The following ABCB5 variants were observed in gnomAD, a reference collection of about 807,000 sequenced individuals.
ABCB5 encodes the protein ATP-binding cassette sub-family B member 5.
In ABCB5, 155 loss-of-function variants were observed where a neutral mutation model predicts 144.2. The ratio of observed to expected loss-of-function variants is 1.08; its 90% CI spans 0.94 to 1.23. ABCB5 has a LOEUF of 1.23. ABCB5 is among the 50% of genes most tolerant of loss of function. ABCB5 has a pLI of 0.00. For missense variants in ABCB5, 1,830 were observed against 1,520.8 expected, an observed-to-expected ratio of 1.20 and a Z score of -3.38; for synonymous variants, 610 against 528.6, an observed-to-expected ratio of 1.15 and a Z score of -2.11.
intron 7 of ABCB5, among the ~76,000 whole-genome samples, chr7:20,644,294 A>G: frequency 6.6e-6 from 1 of 151,910 alleles, no homozygotes; most frequent in Non-Finnish European, 1.5e-5. Flanking sequence ...GCCCAGGCTG[A>G]TCTCGAATTC....
chr7:20,670,853 G>A (rs1785443732), intron 14 of ABCB5, among the ~76,000 whole-genome samples: 1 of 152,186 alleles, frequency 6.6e-6, no homozygotes, highest in African/African-American at 2.4e-5. Flanking sequence ...AGGTTGCAGT[G>A]AGCCGAGATC....
chr7:20,738,913 T>C, intron 23 of ABCB5, 70 bp from the exon 24 acceptor site: 2 of 1,450,840 alleles, frequency 1.4e-6, no homozygotes, highest in Non-Finnish European at 1.8e-6. Flanking sequence ...CTTTTTTCTT[T>C]ACTTTTAGAG....
chr7:20,680,321 G>C (rs1785747425), intron 14 of ABCB5, among the ~76,000 whole-genome samples: 1 of 152,200 alleles, frequency 6.6e-6, no homozygotes, highest in African/African-American at 2.4e-5. Context: ...CACTTTGGGA[G>C]GCCGAGGCGG....
rs1782056527 is a variant in ABCB5 at position 20,726,962 on chromosome 7, A to T, written c.2626-78A>T. On this transcript the variant is annotated intron_variant, in intron 21 of 27. Transcript: ENST00000404938. ...ATATACTTAATATGTCCCCAGTGTGAGTGACTAGAATTCACAAATGGGAAA... is the reference window on the plus strand; with the variant it reads ...ATATACTTAATATGTCCCCAGTGTGTGTGACTAGAATTCACAAATGGGAAA... The T allele has an allele frequency of 3.2e-6, 3 of 947,414 alleles. No homozygotes were observed. In the East Asian group the frequency reaches 8.1e-5, roughly 26 times the overall value. 58.7% of individuals were successfully genotyped at this position (947,414 alleles called of 1,614,324 possible).
At chr7:20,664,000 G>A (rs976277599) in intron 14 of ABCB5, among the ~76,000 whole-genome samples, 3 of 150,588 alleles carry the variant, frequency 2.0e-5, no homozygotes, top group African/African-American at 7.4e-5. Flanking sequence ...ACAGGCATGA[G>A]CCACTGCGCC....
At position 20,730,815 on chromosome 7, in the gene ABCB5, A is replaced by G. The variant is rs187590436; in HGVS notation, c.2867+2360A>G. On this transcript the variant is annotated intron_variant, in intron 23 of 27. Transcript: ENST00000404938. Reference sequence around the variant, plus strand: ...TCCAAAAGTTTGTTTGCAAGCCAATAGTTTGAAACTCAAAACATGTTTTCC... The same window carrying G: ...TCCAAAAGTTTGTTTGCAAGCCAATGGTTTGAAACTCAAAACATGTTTTCC... Among the ~76,000 whole-genome samples, 773 of 152,314 alleles carry G rather than the reference A, an allele frequency of 5.1e-3. 6 individuals carry two copies. Among genetic ancestry groups the G allele is most frequent in the Admixed American group, 7.7e-3 (118 of 15,292 alleles).
chr7:20,640,626 C>G (rs1784275227), intron 5 of ABCB5, among the ~76,000 whole-genome samples: 1 of 152,128 alleles, frequency 6.6e-6, no homozygotes, highest in Non-Finnish European at 1.5e-5. Context: ...CACTTGCTTA[C>G]AGTACAAGAG....
chr7:20,667,142 G>C (rs559619990), intron 14 of ABCB5: 1 of 842,268 alleles, frequency 1.2e-6, no homozygotes, highest in Non-Finnish European at 1.4e-6. Context: ...TAAGTTATTA[G>C]ATATTTCTGT....
In ABCB5 at chr7:20,643,772, T is replaced by A. The variant is rs75506657; in HGVS notation, c.678+140T>A. ...GGGATATTATACACCACAAATACTT[T>A]TGATTTTGTTCACCATTAATCCCCT... On this transcript the variant is annotated intron_variant, in intron 7 of 27. Coordinates refer to ENST00000404938, the MANE Select transcript of ABCB5 (RefSeq NM_001163941.2). 1.0e-3 allele frequency: 968 copies of A among 928,172 alleles called. 3 individuals are homozygous for A. The East Asian group carries it at 0.021, about 20-fold the overall frequency. The allele number at this position is 928,172 out of a possible 1,614,324, so 57.5% of individuals were successfully genotyped here.
chr7:20,667,923 C>T (rs1314649009), intron 14 of ABCB5, among the ~76,000 whole-genome samples: 23 of 132,478 alleles, frequency 1.7e-4, no homozygotes, highest in Admixed American at 4.6e-4. Flanking sequence ...CGGGGTTTTG[C>T]TCTGTTGGCC....
At chr7:20,647,499 G>A in intron 9 of ABCB5, 36 bp from the exon 10 acceptor site, 2 of 1,517,186 alleles carry the variant, frequency 1.3e-6, no homozygotes, top group Non-Finnish European at 8.8e-7. Flanking sequence ...TTATATAACT[G>A]CAGAAAGATA....
intron 14 of ABCB5, among the ~76,000 whole-genome samples, chr7:20,671,037 C>T (rs1785448408): frequency 6.6e-6 from 1 of 152,254 alleles, no homozygotes; most frequent in Admixed American, 6.5e-5. Context: ...AAGCACTAAG[C>T]ATGTTAGTGC....
At chr7:20,741,872 G>T (rs1003334097) in intron 24 of ABCB5, among the ~76,000 whole-genome samples, 1 of 152,000 alleles carries the variant, frequency 6.6e-6, no homozygotes, top group African/African-American at 2.4e-5. Flanking sequence ...CAATTGAGAA[G>T]AACACAAAGA....
chr7:20,731,434 T>C (rs1223257479), intron 23 of ABCB5, among the ~76,000 whole-genome samples: 1 of 151,340 alleles, frequency 6.6e-6, no homozygotes, highest in East Asian at 1.9e-4. Flanking sequence ...CTCTGTGTGT[T>C]GGAGGGCTTT....
chr7:20,728,384 C>G lies in ABCB5; in HGVS notation c.2796C>G (p.Ala932=), dbSNP rs779903402. 17 of 1,614,012 alleles carry G rather than the reference C, an allele frequency of 1.1e-5. No individual in the cohort carries two copies. The highest frequency in any genetic ancestry group is 1.6e-4 in the Middle Eastern group (1 of 6,084). Residue 932 remains alanine (A), a synonymous_variant, in exon 23 of 28, where the codon GCC becomes GCG. Transcript: ENST00000404938. ...YAFSHAFIYF[A]YAAGFRFGAY... is the part of the protein sequence containing the mutation. ...TCAGCCATGCCTTTATATATTTTGC[C>G]TATGCGGCAGGGTTTCGATTTGGAG...
chr7:20,658,697 C>T, intron 14 of ABCB5, 21 bp downstream of exon 14: 2 of 1,611,386 alleles, frequency 1.2e-6, no homozygotes, highest in Non-Finnish European at 1.7e-6. Flanking sequence ...AGAAACGTTT[C>T]TTATTTCCAT....
At chr7:20,750,126 G>A (rs975033778) in intron 26 of ABCB5, among the ~76,000 whole-genome samples, 5 of 152,090 alleles carry the variant, frequency 3.3e-5, no homozygotes, top group Middle Eastern at 3.2e-3. Context: ...TGTAAATGAC[G>A]GTAGAGAGTG....
chr7:20,753,156 T>C (rs939629591), intron 26 of ABCB5, among the ~76,000 whole-genome samples: 1 of 152,208 alleles, frequency 6.6e-6, no homozygotes, highest in Admixed American at 6.5e-5. Flanking sequence ...TCTGATCAGA[T>C]TGGATATGTA....
chr7:20,666,329 A>G (rs1385925808), intron 14 of ABCB5, among the ~76,000 whole-genome samples: 1 of 152,196 alleles, frequency 6.6e-6, no homozygotes, highest in Admixed American at 6.5e-5. Flanking sequence ...CCAGGTTACT[A>G]GAACTCTCTG....
Sources: gnomAD v4.1 joint callset for allele counts (sites outside exome capture counted in the v4.1 genomes callset) on GRCh38, gnomAD v4.1.1 for gene constraint, MANE v1.5 for transcripts, NCBI Gene and HGNC (gene_info 2026-07-23, HGNC 2026-07-21) for gene names.